The following PLCE1 variants were observed in gnomAD, a reference collection of about 807,000 sequenced individuals.
The protein encoded by PLCE1 is 1-phosphatidylinositol 4,5-bisphosphate phosphodiesterase epsilon-1.
A neutral mutation model predicts 242.8 loss-of-function variants in PLCE1; 119 were observed. That is an observed-to-expected ratio of 0.49 (90% CI 0.42 to 0.57). The LOEUF (loss-of-function observed/expected upper bound fraction) is 0.57. Ranked by LOEUF, PLCE1 falls within the 20% of genes least tolerant of loss-of-function variation. The pLI, the probability that PLCE1 is intolerant of heterozygous loss-of-function variation, is 0.00. For synonymous variants in PLCE1, 945 were observed against 1,017.4 expected (o/e 0.93, Z 1.35); for missense variants, 2,441 against 2,788.8 (o/e 0.88, Z 2.81).
At chr10:94,029,356 T>G (rs1284782701) in intron 1 of PLCE1, among the ~76,000 whole-genome samples, 2 of 152,184 alleles carry the variant, frequency 1.3e-5, no homozygotes, top group Non-Finnish European at 2.9e-5. Context: ...ACCTGAAAAG[T>G]TGTTCATGGT....
chr10:94,295,409 G>A (rs1287559740), intron 23 of PLCE1, among the ~76,000 whole-genome samples: 1 of 152,160 alleles, frequency 6.6e-6, no homozygotes, highest in Non-Finnish European at 1.5e-5. Context: ...ATCCATTCAA[G>A]TTTTATCACG....
chr10:94,014,147 T>A (rs2061229082), intron 1 of PLCE1, among the ~76,000 whole-genome samples: 1 of 152,170 alleles, frequency 6.6e-6, no homozygotes, highest in East Asian at 1.9e-4. Context: ...CTTTTAGTAG[T>A]CCCTTTCTCA....
chr10:94,184,246 G>T (rs2048399800), intron 4 of PLCE1, among the ~76,000 whole-genome samples: 1 of 152,068 alleles, frequency 6.6e-6, no homozygotes. Context: ...CCCTTCAACG[G>T]CCCCCCTTTG....
intron 2 of PLCE1, among the ~76,000 whole-genome samples, chr10:94,074,360 A>G (rs1314424913): frequency 6.6e-6 from 1 of 151,738 alleles, no homozygotes; most frequent in Non-Finnish European, 1.5e-5. Context: ...CACCTGGCTA[A>G]TTTCTATTTT....
At position 94,031,920 on chromosome 10, in the gene PLCE1, G is replaced by C. The variant is rs370227059; in HGVS notation, c.874G>C (p.Ala292Pro). 1 of 1,613,888 alleles carries C rather than the reference G, an allele frequency of 6.2e-7. No individual in the cohort carries two copies. Residue 292 changes from alanine to proline, a missense_variant, in exon 2 of 33, where the codon GCT (alanine) becomes CCT (proline). Coordinates refer to ENST00000371380, the MANE Select transcript of PLCE1 (RefSeq NM_016341.4). ...FCRKDFTDSQAAKTFLSHFED... is the reference protein window; with the variant it reads ...FCRKDFTDSQPAKTFLSHFED... ...TAGGAAAGACTTTACTGACAGTCAAGCTGCCAAGACCTTTTTGAGCCATTT... is the reference window on the plus strand; with the variant it reads ...TAGGAAAGACTTTACTGACAGTCAACCTGCCAAGACCTTTTTGAGCCATTT...
intron 22 of PLCE1, among the ~76,000 whole-genome samples, chr10:94,289,918 T>C (rs565087221): frequency 6.6e-6 from 1 of 152,198 alleles, no homozygotes; most frequent in South Asian, 2.1e-4. Flanking sequence ...TGTAACTTTA[T>C]ATTTTATAAA....
intron 2 of PLCE1, among the ~76,000 whole-genome samples, chr10:94,037,995 GA>G (rs1326004294): frequency 6.6e-6 from 1 of 152,136 alleles, no homozygotes; most frequent in Non-Finnish European, 1.5e-5. Context: ...CCCCATCCCT[GA>G]AAATGGGCCG....
At position 94,040,769 on chromosome 10, in the gene PLCE1, A is replaced by G. The variant is rs150073460; in HGVS notation, c.1206+8517A>G. The stretch of plus-strand genomic sequence containing the variant: ...CTTGACTGAACCCTCAGGTACATCA[A>G]TACAGATATTTGTAAAATAAAAGCT... On this transcript the variant is annotated intron_variant, in intron 2 of 32. Transcript: ENST00000371380. 2.6e-3 allele frequency among the ~76,000 whole-genome samples: 397 copies of G among 152,328 alleles called. 3 individuals are homozygous for G. Among genetic ancestry groups the G allele is most frequent in the African/African-American group, 8.9e-3 (368 of 41,576 alleles).
At position 94,234,135 on chromosome 10, in the gene PLCE1, C is replaced by T; in HGVS notation, c.2037C>T (p.Ala679=). ...TGAGGAGCCTGAAGGATGCTATGGC[C>T]CAGCATGAGTCCTCTTGTGAGTACA... is the stretch of plus-strand genomic sequence containing the variant. ...ETMRSLKDAM[A]QHESSCEYRK... is the part of the protein sequence containing the mutation. Residue 679 remains alanine (A), a synonymous_variant, in exon 6 of 33, where the codon GCC becomes GCT. Transcript: ENST00000371380. 1 of 1,613,756 alleles carries T rather than the reference C, an allele frequency of 6.2e-7. No individual in the cohort carries two copies. Among genetic ancestry groups the T allele is most frequent in the Non-Finnish European group, 8.5e-7 (1 of 1,179,694 alleles).
intron 2 of PLCE1, among the ~76,000 whole-genome samples, chr10:94,034,541 A>G: frequency 6.6e-6 from 1 of 152,232 alleles, no homozygotes; most frequent in Non-Finnish European, 1.5e-5. Context: ...TAAGATCCAG[A>G]AAGGAATAAA....
chr10:94,003,720 C>A lies in PLCE1; in HGVS notation c.-365+9462C>A, dbSNP rs138178626. On this transcript the variant is annotated intron_variant, in intron 1 of 32. Transcript: ENST00000371380. ...GAGCTAGGGACACTGTTTATGTGGG[C>A]GAGTATAAGGAGAATGAAGTGCACA... Among the ~76,000 whole-genome samples the A allele has an allele frequency of 7.6e-3, 1,152 of 152,048 alleles. 10 individuals are homozygous for A. The highest frequency in any genetic ancestry group is 0.012 in the South Asian group (59 of 4,806).
rs751651040 is a variant in PLCE1 at position 94,324,415 on chromosome 10, T to C, written c.6568T>C (p.Leu2190=). Residue 2190 remains leucine, a synonymous_variant, in exon 31 of 33, where the codon TTG becomes CTG. Transcript: ENST00000371380. ...CCCCAATCCAAGCGACTATGTGCTTTTGGAAGAGGTGGTGAAAGACACTAC... is the reference window on the plus strand; with the variant it reads ...CCCCAATCCAAGCGACTATGTGCTTCTGGAAGAGGTGGTGAAAGACACTAC... ...SNPNPSDYVL[L]EEVVKDTTNK... 5 of 1,614,004 alleles carry C rather than the reference T, an allele frequency of 3.1e-6. No individual in the cohort carries two copies. The highest frequency in any genetic ancestry group is 4.2e-6 in the Non-Finnish European group (5 of 1,180,030).
At chr10:94,104,673 A>T (rs1033427247) in intron 2 of PLCE1, 3 of 152,168 alleles carry the variant, frequency 2.0e-5, no homozygotes, top group African/African-American at 7.2e-5. Flanking sequence ...TTCAGATATT[A>T]CGATTTATAT....
chr10:94,300,679 G>A (rs2053002604), intron 24 of PLCE1, among the ~76,000 whole-genome samples: 1 of 148,430 alleles, frequency 6.7e-6, no homozygotes, highest in Admixed American at 6.7e-5. Flanking sequence ...GATTATCTCT[G>A]TCAGCCCCAC....
intron 2 of PLCE1, among the ~76,000 whole-genome samples, chr10:94,073,861 A>G (rs1164967807): frequency 6.6e-6 from 1 of 152,216 alleles, no homozygotes; most frequent in Non-Finnish European, 1.5e-5. Flanking sequence ...TTTCAAATCC[A>G]GCTCCTGGAC....
rs955386857 is a variant in PLCE1 at position 94,246,398 on chromosome 10, T to C, written c.2873T>C (p.Val958Ala). The change falls in exon 8 of 33, where the codon GTT (valine) becomes GCT (alanine). Residue 958 changes from valine (V) to alanine (A), a missense_variant. By Grantham distance (64) the Val-to-Ala change is moderately conservative (BLOSUM62 0). This residue lies in a region of PLCE1 where 1,004 missense variants were observed against 1,322.7 expected (regional missense o/e 0.76). Transcript: ENST00000371380. Reference sequence around the variant, plus strand: ...GGCATTGATATACACACTGTGTGTGTTCAGAACAAACTGGGTAGCATGTTC... The same window carrying C: ...GGCATTGATATACACACTGTGTGTGCTCAGAACAAACTGGGTAGCATGTTC... ...HPGIDIHTVC[V>A]QNKLGSMFLS... 3.7e-6 allele frequency: 6 copies of C among 1,614,070 alleles called. No individual in the cohort carries two copies. In the Admixed American group the frequency reaches 1.0e-4, roughly 27 times the overall value.
intron 27 of PLCE1, among the ~76,000 whole-genome samples, chr10:94,313,044 AAAT>A (rs574421947): frequency 6.8e-4 from 103 of 152,318 alleles, no homozygotes; most frequent in African/African-American, 2.2e-3. Context: ...CTGTAATTTA[AAAT>A]AATATTTTGG....
At chr10:94,278,226 C>T (rs1297410221) in intron 19 of PLCE1, among the ~76,000 whole-genome samples, 3 of 152,100 alleles carry the variant, frequency 2.0e-5, no homozygotes, top group East Asian at 1.9e-4. Context: ...CTGTATTACA[C>T]GAGTTCTTAA....
chr10:94,224,520 G>C (rs111497265), intron 4 of PLCE1, among the ~76,000 whole-genome samples: 226 of 152,344 alleles, frequency 1.5e-3, no homozygotes, highest in Middle Eastern at 0.014. Flanking sequence ...TAAAGCCATA[G>C]AGACAATATA....
Sources: allele counts gnomAD v4.1 joint callset (sites outside exome capture counted in the v4.1 genomes callset), GRCh38; gene constraint gnomAD v4.1.1; regional missense constraint gnomAD v4.1.1; transcripts MANE v1.5; gene names NCBI Gene and HGNC (gene_info 2026-07-23, HGNC 2026-07-21).